XPO5: variants seen among roughly 807,000 people sequenced by gnomAD.
XPO5 encodes the protein exportin-5.
In XPO5, 46 loss-of-function variants were observed where a neutral mutation model predicts 160.6. That is an observed-to-expected ratio of 0.29 (90% CI 0.23 to 0.37). The LOEUF is 0.37. XPO5 is among the 10% of genes least tolerant of loss of function. XPO5 has a pLI of 1.00. For missense variants in XPO5, 1,090 were observed against 1,463.9 expected (o/e 0.74, Z 4.17); for synonymous variants, 537 against 519.3 (o/e 1.03, Z -0.46).
intron 20 of XPO5, among the ~76,000 whole-genome samples, chr6:43,546,132 T>TTGGTTCATCTGAGC (rs776154635): frequency 2.5e-4 from 38 of 152,170 alleles, no homozygotes; most frequent in Non-Finnish European, 5.0e-4. Flanking sequence ...CAGCGGTTGT[T>TTGGTTCATCTGAGC]TGGTTCATCT....
intron 10 of XPO5, 104 bp downstream of exon 10, chr6:43,560,820 A>G: frequency 1.0e-6 from 1 of 977,298 alleles, no homozygotes; most frequent in Non-Finnish European, 1.6e-6. Flanking sequence ...CCAAGGCCTG[A>G]AGAGTCACAT....
intron 20 of XPO5, among the ~76,000 whole-genome samples, chr6:43,535,264 A>T (rs982640375): frequency 1.0e-4 from 13 of 125,960 alleles, no homozygotes; most frequent in African/African-American, 5.0e-4. Context: ...TGTCTCAAAA[A>T]ACAACAACAA....
chr6:43,574,616 G>A (rs1261457450), intron 1 of XPO5, among the ~76,000 whole-genome samples: 1 of 152,034 alleles, frequency 6.6e-6, no homozygotes, highest in Admixed American at 6.6e-5. Context: ...AAAGGAATAA[G>A]AAATTATTTG....
At chr6:43,573,403 C>T (rs1763112308) in intron 2 of XPO5, 77 bp downstream of exon 2, 1 of 1,565,364 alleles carries the variant, frequency 6.4e-7, no homozygotes, top group Non-Finnish European at 8.7e-7. Flanking sequence ...CTCACCTAAA[C>T]AGCATCTCTA....
chr6:43,549,649 G>T lies in XPO5; in HGVS notation c.1771-71C>A. On this transcript the variant is annotated intron_variant, in intron 16 of 31. Transcript: ENST00000265351. ...ATACAGGTGCTGCATAGACTCATGT[G>T]AATATCTCAGTCAGGGGCAAATTCA... The T allele has an allele frequency of 2.6e-6, 4 of 1,517,498 alleles. No homozygotes were observed. The South Asian group carries it at 4.9e-5, about 18-fold the overall frequency. 94.0% of individuals were successfully genotyped at this position (1,517,498 alleles called of 1,614,324 possible).
intron 23 of XPO5, among the ~76,000 whole-genome samples, chr6:43,529,902 CCT>C (rs1793851664): frequency 7.7e-6 from 1 of 130,160 alleles, no homozygotes; most frequent in Non-Finnish European, 1.6e-5. Context: ...ACACTGAGAC[CCT>C]GTCTCAAAAA....
At chr6:43,535,499 G>A (rs9472070) in intron 20 of XPO5, among the ~76,000 whole-genome samples, 2,794 of 152,218 alleles carry the variant, frequency 0.018, 102 homozygotes, top group African/African-American at 0.063. Context: ...GATGCAAACT[G>A]AAAACATCTT....
intron 21 of XPO5, 111 bp downstream of exon 21, chr6:43,533,796 G>A: frequency 2.9e-6 from 2 of 690,344 alleles, no homozygotes; most frequent in Non-Finnish European, 4.6e-6. Context: ...GGTTGCACCA[G>A]TGCACTCTAG....
At chr6:43,555,670 C>T in intron 13 of XPO5, 166 bp downstream of exon 13, 1 of 712,346 alleles carries the variant, frequency 1.4e-6, no homozygotes. Context: ...CATCTGCTTT[C>T]TTTGTGTCAG....
chr6:43,550,143 C>T (rs1582224693), intron 15 of XPO5, among the ~76,000 whole-genome samples: 1 of 152,148 alleles, frequency 6.6e-6, no homozygotes, highest in East Asian at 1.9e-4. Context: ...CACAATTTTA[C>T]CATCAAAACA....
chr6:43,567,735 A>C (rs1271651146), intron 6 of XPO5, among the ~76,000 whole-genome samples: 1 of 151,972 alleles, frequency 6.6e-6, no homozygotes, highest in Admixed American at 6.6e-5. Context: ...TCTACCAAAA[A>C]AACAAAAAAT....
At chr6:43,553,657 T>C in intron 13 of XPO5, 154 bp from the exon 14 acceptor site, 1 of 1,391,658 alleles carries the variant, frequency 7.2e-7, no homozygotes, top group East Asian at 2.6e-5. Context: ...CCCTCTCAGC[T>C]GGGGCAAAGA....
chr6:43,547,481 AG>A, intron 19 of XPO5, 126 bp downstream of exon 19: 1 of 789,398 alleles, frequency 1.3e-6, no homozygotes, highest in Non-Finnish European at 2.2e-6. Context: ...GGAGAAGCTT[AG>A]GGAAGTGGAG....
intron 20 of XPO5, 143 bp downstream of exon 20, chr6:43,546,428 G>T: frequency 1.3e-6 from 1 of 775,626 alleles, no homozygotes. Flanking sequence ...TTTTAAAACT[G>T]AGACACCCTC....
chr6:43,556,710 T>C (rs1424020296), intron 12 of XPO5, among the ~76,000 whole-genome samples: 1 of 152,012 alleles, frequency 6.6e-6, no homozygotes, highest in African/African-American at 2.4e-5. Context: ...AAACAAAACC[T>C]TGTATATAAA....
intron 23 of XPO5, among the ~76,000 whole-genome samples, chr6:43,530,043 T>C (rs1413461583): frequency 6.6e-6 from 1 of 151,664 alleles, no homozygotes; most frequent in Non-Finnish European, 1.5e-5. Flanking sequence ...TTACTTGAGG[T>C]CAGGAGTTTG....
At position 43,550,971 on chromosome 6, in the gene XPO5, G is replaced by A. The variant is rs958057559; in HGVS notation, c.1728+327C>T. On this transcript the variant is annotated intron_variant, in intron 15 of 31. Coordinates refer to ENST00000265351, the MANE Select transcript of XPO5 (RefSeq NM_020750.3). The stretch of plus-strand genomic sequence containing the variant: ...GTTTTTGTGCCTTTCTTCCCAGAGT[G>A]TTCCTAAAGAGTGAGGCACTAGCAT... 2.4e-4 allele frequency: 43 copies of A among 179,448 alleles called. No individual in the cohort carries two copies. In the Middle Eastern group the frequency reaches 7.3e-3, roughly 31 times the overall value. The allele number at this position is 179,448 out of a possible 1,614,324, so 11.1% of individuals were successfully genotyped here. A position where few individuals can be genotyped will look rare whatever the true frequency, so the allele number is the denominator to read the frequency against.
chr6:43,544,015 C>T (rs1236997182), intron 20 of XPO5: 2 of 152,390 alleles, frequency 1.3e-5, no homozygotes, highest in Admixed American at 1.3e-4. Flanking sequence ...TTAATAGCTC[C>T]AGCTACACAC....
At chr6:43,524,062 T>A in intron 31 of XPO5, 57 bp from the exon 32 acceptor site, 1 of 1,585,572 alleles carries the variant, frequency 6.3e-7, no homozygotes, top group Non-Finnish European at 8.5e-7. Flanking sequence ...AGTTAAAAGA[T>A]TCTCTTGGCC....
Sources: gnomAD v4.1 joint callset for allele counts (sites outside exome capture counted in the v4.1 genomes callset) on GRCh38, gnomAD v4.1.1 for gene constraint, MANE v1.5 for transcripts, NCBI Gene and HGNC (gene_info 2026-07-23, HGNC 2026-07-21) for gene names.